SMARCA1: variants seen among roughly 807,000 people sequenced by gnomAD.
SMARCA1 encodes the protein SWI/SNF-related matrix-associated actin-dependent regulator of chromatin subfamily A member 1.
In SMARCA1, 17 loss-of-function variants were observed where a neutral mutation model predicts 93.6. The ratio of observed to expected loss-of-function variants is 0.18; its 90% CI spans 0.12 to 0.27. The LOEUF (loss-of-function observed/expected upper bound fraction) is 0.27. Among genes scored for constraint, SMARCA1 ranks in the 10% least tolerant of loss-of-function variants. The probability of loss-of-function intolerance (pLI) is 1.00; values close to 1 mark genes in which losing one functional copy is unlikely to be tolerated. For missense variants in SMARCA1, 630 were observed against 819.0 expected, an observed-to-expected ratio of 0.77 and a Z score of 2.82; for synonymous variants, 271 against 271.4, an observed-to-expected ratio of 1.00 and a Z score of 0.01.
chrX:129,523,324 T>C lies in SMARCA1; in HGVS notation c.47A>G (p.Asp16Gly). 2.5e-6 allele frequency: 3 copies of C among 1,200,179 alleles called. No homozygotes were observed. The highest frequency in any genetic ancestry group is 3.4e-6 in the Non-Finnish European group (3 of 891,571). The stretch of plus-strand genomic sequence containing the variant: ...TATGACCACGATAGTGGCGGTCGCA[T>C]CCGCGGCTGCCACGGTGGCTGCCAC... ...AAVAATVAAA[D>G]ATATIVVIED... The change falls in exon 1 of 25, where the codon GAT becomes GGT. Residue 16 changes from aspartate (D) to glycine (G), a missense_variant. Physicochemically the swap from Asp to Gly is moderately conservative, Grantham distance 94 (BLOSUM62 -1). Coordinates refer to ENST00000371121, the MANE Select transcript of SMARCA1 (RefSeq NM_001282874.2).
intron 9 of SMARCA1, among the ~76,000 whole-genome samples, chrX:129,500,670 A>G (rs769419266): frequency 1.8e-5 from 2 of 112,295 alleles, no homozygotes; most frequent in Non-Finnish European, 3.8e-5. Context: ...CCTACATGGT[A>G]TATGTATTTA....
intron 16 of SMARCA1, 51 bp downstream of exon 16, chrX:129,488,886 T>C: frequency 2.5e-6 from 2 of 799,125 alleles, no homozygotes; most frequent in Non-Finnish European, 3.7e-6. Flanking sequence ...TGCTGAAGTA[T>C]GTTGATATTA....
At chrX:129,497,016 CA>C in intron 11 of SMARCA1, 145 bp from the exon 12 acceptor site, 12 of 423,405 alleles carry the variant, frequency 2.8e-5, no homozygotes, top group Non-Finnish European at 2.8e-5. Flanking sequence ...CACACACACA[CA>C]CACACCCCCA....
In SMARCA1 at chrX:129,516,104, G is replaced by A. The variant is rs1935189171; in HGVS notation, c.429-110C>T. ...ATAGAAAAAGAATGAGTTGTCCAAG[G>A]TCTTGCTTAGAAATCAGTAGAACCA... On this transcript the variant is annotated intron_variant, in intron 3 of 24. Coordinates refer to ENST00000371121, the MANE Select transcript of SMARCA1 (RefSeq NM_001282874.2). 6 of 653,661 alleles carry A rather than the reference G, an allele frequency of 9.2e-6. No homozygotes were observed. In the South Asian group the frequency reaches 1.8e-4, roughly 19 times the overall value. The allele number at this position is 653,661 out of a possible 1,213,427, so 53.9% of individuals were successfully genotyped here.
chrX:129,467,055 T>C lies in SMARCA1; in HGVS notation c.2699-1093A>G, dbSNP rs537017809. On this transcript the variant is annotated intron_variant, in intron 21 of 24. Coordinates refer to ENST00000371121, the MANE Select transcript of SMARCA1 (RefSeq NM_001282874.2). ...AGGTATGTGAGCACTCTGATTTTTA[T>C]AAGCACCTGTGTTCATTTACTCATT... Among the ~76,000 whole-genome samples, 57 of 112,291 alleles carry C rather than the reference T, an allele frequency of 5.1e-4. 1 individual carries two copies. Among genetic ancestry groups the C allele is most frequent in the Middle Eastern group, 9.3e-3 (2 of 216 alleles).
intron 23 of SMARCA1, among the ~76,000 whole-genome samples, chrX:129,457,773 C>A (rs1384723893): frequency 1.8e-5 from 2 of 111,943 alleles, no homozygotes; most frequent in East Asian, 5.6e-4. Flanking sequence ...GGTTGTAGGT[C>A]TAACTTTTGT....
chrX:129,455,555 T>C (rs1169135747), intron 23 of SMARCA1, among the ~76,000 whole-genome samples: 1 of 110,133 alleles, frequency 9.1e-6, no homozygotes, highest in Admixed American at 9.7e-5. Flanking sequence ...TGTATACCTA[T>C]GTAACAAACC....
rs183750721 is a variant in SMARCA1, at chrX:129,490,578, G to A, written c.1816-386C>T. Among the ~76,000 whole-genome samples, 11 of 111,929 alleles carry A rather than the reference G, an allele frequency of 9.8e-5. No individual in the cohort carries two copies. In the East Asian group the frequency reaches 2.8e-3, roughly 29 times the overall value. ...AAAGTCTGCTTTATTTCATCATCAG[G>A]CACTTCTTTCTGCTTACTGAGGGAT... On this transcript the variant is annotated intron_variant, in intron 14 of 24. Transcript: ENST00000371121.
chrX:129,482,334 A>T lies in SMARCA1; in HGVS notation c.2218-1149T>A, dbSNP rs192285939. Among the ~76,000 whole-genome samples the T allele has an allele frequency of 4.5e-3, 495 of 111,197 alleles. 1 individual carries two copies. The highest frequency in any genetic ancestry group is 0.018 in the Middle Eastern group (4 of 218). On this transcript the variant is annotated intron_variant, in intron 17 of 24. Transcript: ENST00000371121. ...TACCCTAAAACTTAAAGTATAATTT[A>T]AAAAAATTTAAAAAAGAAGAAAAAA...
chrX:129,495,011 A>C (rs1934267476), intron 12 of SMARCA1, among the ~76,000 whole-genome samples: 1 of 112,490 alleles, frequency 8.9e-6, no homozygotes, highest in Admixed American at 9.4e-5. Context: ...TGGGTTTTGC[A>C]TGTGCTCCCC....
At chrX:129,502,003 G>T (rs751397608) in intron 9 of SMARCA1, among the ~76,000 whole-genome samples, 1 of 112,051 alleles carries the variant, frequency 8.9e-6, no homozygotes, top group Non-Finnish European at 1.9e-5. Context: ...GTATATAGCA[G>T]ACAATAAACT....
intron 23 of SMARCA1, among the ~76,000 whole-genome samples, chrX:129,450,047 G>A (rs1456214235): frequency 8.9e-6 from 1 of 112,611 alleles, no homozygotes; most frequent in Non-Finnish European, 1.9e-5. Context: ...TATCTGCTAT[G>A]GACTGAGGTA....
At chrX:129,475,869 T>C (rs1015496474) in intron 19 of SMARCA1, among the ~76,000 whole-genome samples, 4 of 112,476 alleles carry the variant, frequency 3.6e-5, no homozygotes, top group African/African-American at 6.5e-5. Flanking sequence ...ACCATTATTT[T>C]AGTTCTACCA....
chrX:129,459,720 G>C (rs745880145), intron 23 of SMARCA1, among the ~76,000 whole-genome samples: 2 of 112,401 alleles, frequency 1.8e-5, no homozygotes, highest in African/African-American at 3.2e-5. Flanking sequence ...TAATTTGCTC[G>C]CATTCTATCC....
At chrX:129,486,037 C>G (rs773592235) in intron 17 of SMARCA1, among the ~76,000 whole-genome samples, 2 of 111,847 alleles carry the variant, frequency 1.8e-5, no homozygotes, top group South Asian at 7.5e-4. Flanking sequence ...ACCAGTTACC[C>G]TGATTTGATC....
At chrX:129,470,082 T>C (rs1933046204) in intron 20 of SMARCA1, among the ~76,000 whole-genome samples, 2 of 111,499 alleles carry the variant, frequency 1.8e-5, no homozygotes, top group African/African-American at 6.5e-5. Flanking sequence ...ATATAATAAA[T>C]AATATACAAA....
rs777377501 is a variant in SMARCA1, at chrX:129,453,830, T to C, written c.3031-5387A>G. Among the ~76,000 whole-genome samples, 160 of 111,787 alleles carry C rather than the reference T, an allele frequency of 1.4e-3. 1 individual carries two copies. Among genetic ancestry groups the C allele is most frequent in the Non-Finnish European group, 2.4e-3 (128 of 53,115 alleles). On this transcript the variant is annotated intron_variant, in intron 23 of 24. Coordinates refer to ENST00000371121, the MANE Select transcript of SMARCA1 (RefSeq NM_001282874.2). ...TAGAAAAACATTCCATGCTCATGGATAGGAAGAATCTATATCGTGAAAATG... is the reference window on the plus strand; with the variant it reads ...TAGAAAAACATTCCATGCTCATGGACAGGAAGAATCTATATCGTGAAAATG...
rs1318644585 is a variant in SMARCA1 at position 129,497,949 on chromosome X, T to C, written c.1400A>G (p.Asp467Gly). Residue 467 changes from aspartate to glycine, a missense_variant, in exon 11 of 25, where the codon GAT (aspartate) becomes GGT (glycine). By Grantham distance (94) the Asp-to-Gly change is moderately conservative (BLOSUM62 -1). This residue lies in a region of SMARCA1 where 382 missense variants were observed against 537.9 expected (regional missense o/e 0.71). Transcript: ENST00000371121. Reference protein sequence around the residue: ...RKCCNHPYLFDGAEPGPPYTT... With the variant: ...RKCCNHPYLFGGAEPGPPYTT... The stretch of plus-strand genomic sequence containing the variant: ...ATAAGGTGGACCAGGTTCAGCACCA[T>C]CAAACAGATATGGATGATTACAACA... The C allele has an allele frequency of 2.5e-6, 3 of 1,204,359 alleles. No homozygotes were observed. Among genetic ancestry groups the C allele is most frequent in the South Asian group, 1.8e-5 (1 of 56,830 alleles).
chrX:129,511,816 G>A lies in SMARCA1; in HGVS notation c.798C>T (p.Asp266=). ...GTTTCTCACTTACTCTGGCATCCTT[G>A]TCTCCGACAAAACAAATGACACGGA... ...PSLRVICFVG[D]KDARAAFIRD... Residue 266 remains aspartate (D), a synonymous_variant, in exon 6 of 25, where the codon GAC becomes GAT. Transcript: ENST00000371121. 8.4e-7 allele frequency: 1 copy of A among 1,193,544 alleles called. No individual in the cohort carries two copies. Among genetic ancestry groups the A allele is most frequent in the Non-Finnish European group, 1.1e-6 (1 of 885,373 alleles).
Sources: gnomAD v4.1 joint callset for allele counts (sites outside exome capture counted in the v4.1 genomes callset) on GRCh38, gnomAD v4.1.1 for gene constraint, gnomAD v4.1.1 regional missense constraint, MANE v1.5 for transcripts, NCBI Gene and HGNC (gene_info 2026-07-23, HGNC 2026-07-21) for gene names.